XKR5: variants seen among roughly 807,000 people sequenced by gnomAD.
XKR5 encodes the protein XK-related protein 5.
In XKR5, 46 loss-of-function variants were observed where a neutral mutation model predicts 40.8. The observed-to-expected ratio is 1.13, with a 90% CI of 0.89 to 1.44. XKR5 has a LOEUF of 1.44. XKR5 is among the 40% of genes most tolerant of loss of function. The pLI, the probability that XKR5 is intolerant of heterozygous loss-of-function variation, is 0.00. For missense variants in XKR5, 1,169 were observed against 844.7 expected, an observed-to-expected ratio of 1.38 and a Z score of -4.76; for synonymous variants, 466 against 356.1, an observed-to-expected ratio of 1.31 and a Z score of -3.48.
chr8:6,808,545 C>T lies in XKR5; in HGVS notation c.*2653G>A, dbSNP rs147533590. 6.6e-6 allele frequency: 1 copy of T among 152,158 alleles called. No individual in the cohort carries two copies. Among genetic ancestry groups the T allele is most frequent in the Non-Finnish European group, 1.5e-5 (1 of 68,034 alleles). 9.4% of individuals were successfully genotyped at this position (152,158 alleles called of 1,614,324 possible). ...TTGAATTAAGTGTCCATTTATTAGT[C>T]TTCTCTAATAAATATAGTGTATATT... On this transcript the variant is annotated 3_prime_UTR_variant, in exon 7 of 7. Coordinates refer to ENST00000618742, the MANE Select transcript of XKR5 (RefSeq NM_207411.5).
In XKR5 at chr8:6,811,947, AC is replaced by A. The variant is rs1402198430; in HGVS notation, c.1311del (p.Leu438Ter). The A allele has an allele frequency of 1.3e-6, 2 of 1,537,222 alleles. No homozygotes were observed. Among genetic ancestry groups the A allele is most frequent in the Admixed American group, 2.0e-5 (1 of 50,990 alleles). Reference sequence around the variant, plus strand: ...CTCTGCAGGTAGTCCTGTTGACTCAACCCCCATGCAGGTGGACAATAGGCAG... The same window carrying A: ...CTCTGCAGGTAGTCCTGTTGACTCAACCCCATGCAGGTGGACAATAGGCAG... ...NSPAYCPPAW[G>X]LSQQDYLQRK... On this transcript the variant is annotated frameshift_variant, in exon 7 of 7. Coordinates refer to ENST00000618742, the MANE Select transcript of XKR5 (RefSeq NM_207411.5). LOFTEE classifies it low-confidence loss of function (END_TRUNC).
chr8:6,815,330 C>T (rs1009424258), intron 6 of XKR5, among the ~76,000 whole-genome samples: 3 of 152,180 alleles, frequency 2.0e-5, no homozygotes. Context: ...TGGAGCTGGG[C>T]TTGAATCTCA....
At chr8:6,815,731 A>G (rs58112583) in intron 6 of XKR5, 76 bp downstream of exon 6, 40,048 of 1,015,086 alleles carry the variant, frequency 0.039, 1,614 homozygotes, top group African/African-American at 0.19. Flanking sequence ...TCAGTTTCCT[A>G]CCCTTTGAGC....
rs189671554 is a variant in XKR5 at position 6,832,891 on chromosome 8, G to A, written c.68C>T (p.Thr23Ile). ...TCCTGTGGTGAAGTAGTAAGCCACG[G>A]TGTAAAGGCCTGGGTGAGAAGGGGA... ...QAAEQSARLY[T>I]VAYYFTTGRL... Residue 23 changes from threonine (T) to isoleucine (I), a missense_variant, in exon 2 of 7, where the codon ACC becomes ATC. By Grantham distance (89) the Thr-to-Ile change is moderately conservative. Coordinates refer to ENST00000618742, the MANE Select transcript of XKR5 (RefSeq NM_207411.5). The A allele has an allele frequency of 2.0e-4, 319 of 1,589,036 alleles. 1 individual carries two copies. The African/African-American group carries it at 4.0e-3, about 20-fold the overall frequency.
intron 1 of XKR5, among the ~76,000 whole-genome samples, chr8:6,834,258 C>G (rs1466620343): frequency 6.6e-6 from 1 of 152,228 alleles, no homozygotes; most frequent in Non-Finnish European, 1.5e-5. Flanking sequence ...TGAATGAACA[C>G]AAGCCGCGGA....
chr8:6,822,126 C>G (rs377363899), intron 4 of XKR5, 88 bp from the exon 5 acceptor site: 87 of 1,339,628 alleles, frequency 6.5e-5, no homozygotes, highest in African/African-American at 5.4e-4. Flanking sequence ...CTGGAAGGCT[C>G]TCCGACCACA....
rs1804412004 is a variant in XKR5, at chr8:6,825,286, C to T, written c.306G>A (p.Leu102=). Residue 102 remains leucine, a synonymous_variant, in exon 3 of 7, where the codon CTG becomes CTA. Transcript: ENST00000618742. Reference sequence around the variant, plus strand: ...CCGACAGGTCGGCCTCCTGCAGCTGCAGCCAGCCTCGGTGGGGAGCCTCCA... The same window carrying T: ...CCGACAGGTCGGCCTCCTGCAGCTGTAGCCAGCCTCGGTGGGGAGCCTCCA... The part of the protein sequence containing the change: ...KELEAPHRGW[L]QLQEADLSAL... 6.2e-7 allele frequency: 1 copy of T among 1,610,282 alleles called. No individual in the cohort carries two copies. Among genetic ancestry groups the T allele is most frequent in the South Asian group, 1.1e-5 (1 of 90,676 alleles).
intron 4 of XKR5, 34 bp from the exon 5 acceptor site, chr8:6,822,072 A>C (rs1368048595): frequency 1.3e-6 from 2 of 1,567,194 alleles, no homozygotes; most frequent in Middle Eastern, 1.9e-4. Context: ...GTCAGGGTCC[A>C]TGCAAGGAGA....
intron 2 of XKR5, chr8:6,829,090 C>T (rs1265199765): frequency 1.3e-5 from 2 of 153,794 alleles, no homozygotes; most frequent in Admixed American, 1.3e-4. Flanking sequence ...AGGACTGGGC[C>T]CTCCAGGGCT....
At chr8:6,831,227 G>A (rs757158475) in intron 2 of XKR5, among the ~76,000 whole-genome samples, 2 of 152,228 alleles carry the variant, frequency 1.3e-5, no homozygotes, top group African/African-American at 4.8e-5. Context: ...CTAGGGCACA[G>A]GAGAGGCTCT....
chr8:6,827,445 A>G (rs1804560116), intron 2 of XKR5, among the ~76,000 whole-genome samples: 1 of 152,166 alleles, frequency 6.6e-6, no homozygotes, highest in Admixed American at 6.5e-5. Context: ...AAACATTTCT[A>G]TGTCCAGAGC....
intron 1 of XKR5, among the ~76,000 whole-genome samples, chr8:6,834,362 A>G (rs1804907781): frequency 6.6e-6 from 1 of 152,234 alleles, no homozygotes; most frequent in Non-Finnish European, 1.5e-5. Context: ...CTTAGCGCCC[A>G]GGCTGGGTCC....
intron 6 of XKR5, among the ~76,000 whole-genome samples, 189 bp from the exon 7 acceptor site, chr8:6,812,528 G>A (rs1803779943): frequency 6.6e-6 from 1 of 152,200 alleles, no homozygotes; most frequent in African/African-American, 2.4e-5. Context: ...TCTGTAAGCT[G>A]TAAATGTTTC....
chr8:6,821,917 G>A lies in XKR5; in HGVS notation c.759C>T (p.Leu253=), dbSNP rs770574217. ...TTCTAGAAGGGCTGTCCCAGAAGCT[G>A]AGGTAGCAGAGGATGTACACGGCCC... ...LVGAVYILCY[L]SFWDSPSRNR... is the part of the protein sequence containing the mutation. Residue 253 remains leucine (L), a synonymous_variant, in exon 5 of 7, where the codon CTC becomes CTT. Coordinates refer to ENST00000618742, the MANE Select transcript of XKR5 (RefSeq NM_207411.5). 1.2e-6 allele frequency: 2 copies of A among 1,613,464 alleles called. No homozygotes were observed. Among genetic ancestry groups the A allele is most frequent in the East Asian group, 4.5e-5 (2 of 44,872 alleles).
chr8:6,821,794 C>CA (rs1563354690), intron 5 of XKR5, 75 bp downstream of exon 5: 63 of 1,306,416 alleles, frequency 4.8e-5, no homozygotes, highest in South Asian at 2.5e-4. Flanking sequence ...ACACACACAC[C>CA]CCCCACACAC....
rs748610926 is a variant in XKR5 at position 6,832,809 on chromosome 8, C to G, written c.150G>C (p.Gln50His). The G allele has an allele frequency of 1.5e-5, 24 of 1,612,836 alleles. No individual in the cohort carries two copies. In the South Asian group the frequency reaches 2.2e-4, roughly 15 times the overall value. Residue 50 changes from glutamine to histidine, a missense_variant, in exon 2 of 7, where the codon CAG becomes CAC. Coordinates refer to ENST00000618742, the MANE Select transcript of XKR5 (RefSeq NM_207411.5). ...CTCGGAACCACAGGTAGCTCAGGGC[C>G]TGGACCAAGAACCCGGGCAGGAGGA... ...LAVLLPGFLV[Q>H]ALSYLWFRAD...
chr8:6,824,729 G>GAGCT (rs1804383012), intron 3 of XKR5, among the ~76,000 whole-genome samples: 1 of 151,756 alleles, frequency 6.6e-6, no homozygotes, highest in Admixed American at 6.6e-5. Context: ...ATGGGTTTTT[G>GAGCT]CCTGGCTGGT....
At chr8:6,833,050 G>T in intron 1 of XKR5, 150 bp from the exon 2 acceptor site, 2 of 736,980 alleles carry the variant, frequency 2.7e-6, no homozygotes, top group South Asian at 2.5e-5. Flanking sequence ...CCCTCCCAAG[G>T]CTAGCAATTA....
chr8:6,830,526 C>T (rs1448080915), intron 2 of XKR5, among the ~76,000 whole-genome samples: 1 of 152,124 alleles, frequency 6.6e-6, no homozygotes. Context: ...TGTTATAAAC[C>T]TTAGGGCCAA....
Sources: allele counts gnomAD v4.1 joint callset (sites outside exome capture counted in the v4.1 genomes callset), GRCh38; gene constraint gnomAD v4.1.1; transcripts MANE v1.5; gene names NCBI Gene and HGNC (gene_info 2026-07-23, HGNC 2026-07-21).